Variants in HSP90AA1 observed in about 807,000 individuals in gnomAD.
HSP90AA1 encodes heat shock protein 90 alpha family class A member 1, also known as heat shock protein HSP 90-alpha.
Under a neutral mutation model 73.3 loss-of-function variants are expected in HSP90AA1, and 18 were observed. That is an observed-to-expected ratio of 0.25 (90% confidence interval 0.17 to 0.36). The LOEUF (loss-of-function observed/expected upper bound fraction) is 0.36. Among genes scored for constraint, HSP90AA1 ranks in the 10% least tolerant of loss-of-function variants. The probability of loss-of-function intolerance (pLI) is 1.00; values close to 1 mark genes in which losing one functional copy is unlikely to be tolerated. For missense variants in HSP90AA1, 704 were observed against 874.2 expected (o/e 0.81, Z 2.45); for synonymous variants, 477 against 296.9 (o/e 1.61, Z -6.24).
At position 102,103,704 on chromosome 14, in the gene HSP90AA1, A is replaced by C. The variant is rs529813195; in HGVS notation, c.156-1619T>G. Among the ~76,000 whole-genome samples, 3 of 152,004 alleles carry C rather than the reference A, an allele frequency of 2.0e-5. No homozygotes were observed. In the East Asian group the frequency reaches 5.8e-4, roughly 29 times the overall value. On this transcript the variant is annotated intron_variant, in intron 1 of 11. Coordinates refer to the HSP90AA1 transcript ENST00000334701. ...CTGTAATCCCAGATACTTGGGAGGC[A>C]GAGGCAGAAGAATTGCTTGAACCTA... is the stretch of plus-strand genomic sequence containing the variant.
At chr14:102,134,996 A>C (rs979702130) in intron 1 of HSP90AA1, among the ~76,000 whole-genome samples, 3 of 149,692 alleles carry the variant, frequency 2.0e-5, no homozygotes, top group Non-Finnish European at 2.9e-5. Context: ...CCATCAGATT[A>C]GTTAGATACA....
chr14:102,131,093 C>A (rs1478165363), intron 1 of HSP90AA1, among the ~76,000 whole-genome samples: 1 of 152,234 alleles, frequency 6.6e-6, no homozygotes, highest in Non-Finnish European at 1.5e-5. Flanking sequence ...TCTTTCCAGA[C>A]TTGATTATTC....
intron 1 of HSP90AA1, among the ~76,000 whole-genome samples, chr14:102,129,130 T>C (rs971778954): frequency 3.7e-5 from 5 of 136,368 alleles, no homozygotes; most frequent in African/African-American, 1.3e-4. Context: ...GGCTCTAGTT[T>C]TGATTTTTTT....
intron 2 of HSP90AA1, among the ~76,000 whole-genome samples, chr14:102,094,699 C>T (rs1053856671): frequency 2.0e-5 from 3 of 152,150 alleles, no homozygotes; most frequent in Non-Finnish European, 2.9e-5. Flanking sequence ...TAGGGGGACA[C>T]GGAGCCCCTC....
intron 2 of HSP90AA1, among the ~76,000 whole-genome samples, chr14:102,093,086 G>C (rs1185403742): frequency 1.3e-5 from 2 of 151,932 alleles, no homozygotes; most frequent in Non-Finnish European, 2.9e-5. Flanking sequence ...AAACCTTGTA[G>C]AAAGTTGAAG....
chr14:102,107,483 C>A (rs1187023160), intron 1 of HSP90AA1, among the ~76,000 whole-genome samples: 1 of 151,972 alleles, frequency 6.6e-6, no homozygotes, highest in Non-Finnish European at 1.5e-5. Context: ...CGCCACCATG[C>A]CTAGCTAATT....
chr14:102,105,248 A>C (rs1468846074), intron 1 of HSP90AA1, among the ~76,000 whole-genome samples: 1 of 151,036 alleles, frequency 6.6e-6, no homozygotes, highest in East Asian at 1.9e-4. Flanking sequence ...CATTCAACAA[A>C]CACTGATCTA....
chr14:102,129,133 A>ATTTTTT (rs71116884), intron 1 of HSP90AA1, among the ~76,000 whole-genome samples: 3 of 94,396 alleles, frequency 3.2e-5, no homozygotes, highest in African/African-American at 1.1e-4. Context: ...TCTAGTTTTG[A>ATTTTTT]TTTTTTTTTT....
At chr14:102,085,141 C>G in intron 4 of HSP90AA1, 143 bp from the exon 5 acceptor site, 1 of 1,477,656 alleles carries the variant, frequency 6.8e-7, no homozygotes, top group Non-Finnish European at 9.4e-7. Context: ...TTGATACATC[C>G]ACTTAATAGC....
At chr14:102,081,979 A>C in intron 10 of HSP90AA1, 132 bp downstream of exon 10, 1 of 791,828 alleles carries the variant, frequency 1.3e-6, no homozygotes, top group South Asian at 1.4e-5. Flanking sequence ...ATCCCTAAAA[A>C]AAACATACTT....
At chr14:102,120,914 G>C (rs975920613) in intron 1 of HSP90AA1, among the ~76,000 whole-genome samples, 1 of 151,448 alleles carries the variant, frequency 6.6e-6, no homozygotes, top group Non-Finnish European at 1.5e-5. Flanking sequence ...CTCCAGCCTG[G>C]GCAACAAGAG....
At chr14:102,089,872 C>G (rs1383237878), upstream of HSP90AA1, among the ~76,000 whole-genome samples, 1 of 152,228 alleles carries the variant, frequency 6.6e-6, no homozygotes, top group Admixed American at 6.5e-5. Flanking sequence ...TTCCACACAA[C>G]CGTCAGCTCA....
intron 1 of HSP90AA1, among the ~76,000 whole-genome samples, chr14:102,136,887 T>TA (rs982881540): frequency 0.038 from 4,748 of 126,480 alleles, 103 homozygotes; most frequent in African/African-American, 0.044. Context: ...AGACTTCTCT[T>TA]AAAAAAAAAA....
chr14:102,081,744 C>T lies in HSP90AA1; in HGVS notation c.2167G>A (p.Asp723Asn). The change falls in exon 11 of 11, where the codon GAC becomes AAC. Residue 723 changes from aspartate to asparagine, a missense_variant. Coordinates refer to ENST00000216281, the MANE Select transcript of HSP90AA1 (RefSeq NM_005348.4). Reference sequence around the variant, plus strand: ...ACTTCTTCCATGCGTGATGTGTCGTCATCTCCTTCAAGGGGTGGCATTTCT... The same window carrying T: ...ACTTCTTCCATGCGTGATGTGTCGTTATCTCCTTCAAGGGGTGGCATTTCT... ...TEEMPPLEGD[D>N]DTSRMEEVD The T allele has an allele frequency of 2.5e-6, 4 of 1,588,010 alleles. No individual in the cohort carries two copies. Among genetic ancestry groups the T allele is most frequent in the Non-Finnish European group, 3.5e-6 (4 of 1,156,292 alleles).
At chr14:102,139,218 T>C (rs540603236) in intron 1 of HSP90AA1, 301 of 1,613,122 alleles carry the variant, frequency 1.9e-4, no homozygotes, top group Admixed American at 1.0e-4. Context: ...AAATAAAACA[T>C]AGTGAAGCGT....
chr14:102,088,627 G>C (rs945687914), upstream of HSP90AA1, among the ~76,000 whole-genome samples: 1 of 152,194 alleles, frequency 6.6e-6, no homozygotes, highest in African/African-American at 2.4e-5. Context: ...TGCGCAGCCT[G>C]GGGGCGCGCC....
intron 1 of HSP90AA1, among the ~76,000 whole-genome samples, chr14:102,129,536 T>C (rs985903690): frequency 6.7e-6 from 1 of 149,906 alleles, no homozygotes; most frequent in African/African-American, 2.5e-5. Context: ...GGAGTCTTGC[T>C]GTGTCGCCCA....
At chr14:102,085,211 TGAACA>T in intron 4 of HSP90AA1, 82 bp downstream of exon 4, 1 of 1,482,892 alleles carries the variant, frequency 6.7e-7, no homozygotes. Context: ...TCAGACTAGT[TGAACA>T]GATCTAGGGA....
At chr14:102,091,670 A>G (rs1371007014), upstream of HSP90AA1, among the ~76,000 whole-genome samples, 1 of 151,750 alleles carries the variant, frequency 6.6e-6, no homozygotes, top group African/African-American at 2.4e-5. Context: ...TCTCTTGCCC[A>G]GGCTGGAGCA....
Sources: gnomAD v4.1 joint callset for allele counts (sites outside exome capture counted in the v4.1 genomes callset) on GRCh38, gnomAD v4.1.1 for gene constraint, MANE v1.5 for transcripts, NCBI Gene and HGNC (gene_info 2026-07-23, HGNC 2026-07-21) for gene names.